The following CCDC30 variants were observed in gnomAD, a reference collection of about 807,000 sequenced individuals.
The protein encoded by CCDC30 is coiled-coil domain containing 30.
A neutral mutation model predicts 100.2 loss-of-function variants in CCDC30; 70 were observed. The ratio of observed to expected loss-of-function variants is 0.70; its 90% confidence interval spans 0.58 to 0.85. The LOEUF (loss-of-function observed/expected upper bound fraction) is 0.85, where lower values mean the gene tolerates loss of function less well. Among genes scored for constraint, CCDC30 ranks in the 40% least tolerant of loss-of-function variants. The probability of loss-of-function intolerance (pLI) is 0.00; values close to 1 mark genes in which losing one functional copy is unlikely to be tolerated. For missense variants in CCDC30, 652 were observed against 771.2 expected, an observed-to-expected ratio of 0.85 and a Z score of 1.83; for synonymous variants, 233 against 269.5, an observed-to-expected ratio of 0.86 and a Z score of 1.33.
At chr1:42,641,950 GCA>G (rs1647438495) in intron 12 of CCDC30, among the ~76,000 whole-genome samples, 2 of 152,174 alleles carry the variant, frequency 1.3e-5, no homozygotes, top group African/African-American at 4.8e-5. Flanking sequence ...CATGGGCTGG[GCA>G]TGGTGGCTCA....
At chr1:42,497,064 C>T (rs777663755) in intron 4 of CCDC30, 34 bp from the exon 5 acceptor site, 36 of 1,136,280 alleles carry the variant, frequency 3.2e-5, no homozygotes, top group Non-Finnish European at 4.0e-5. Context: ...AAACTTTGAT[C>T]CAGTTGAGTA....
chr1:42,642,674 G>C, intron 13 of CCDC30, 65 bp downstream of exon 17: 1 of 1,395,462 alleles, frequency 7.2e-7, no homozygotes. Flanking sequence ...TCAACAAAGA[G>C]ATGGTTCTAG....
intron 10 of CCDC30, among the ~76,000 whole-genome samples, chr1:42,600,235 C>G (rs1646376399): frequency 6.6e-6 from 1 of 151,970 alleles, no homozygotes; most frequent in Non-Finnish European, 1.5e-5. Flanking sequence ...GGTCAATTCT[C>G]CAAGAAGAAA....
At position 42,596,678 on chromosome 1, in the gene CCDC30, C is replaced by T. The variant is rs756662421; in HGVS notation, c.1164+7195C>T. 2.7e-4 allele frequency among the ~76,000 whole-genome samples: 41 copies of T among 152,106 alleles called. No individual in the cohort carries two copies. The highest frequency in any genetic ancestry group is 4.7e-4 in the Non-Finnish European group (32 of 68,028). On this transcript the variant is annotated intron_variant, in intron 10 of 16. Transcript: ENST00000668663. The surrounding 1 kb of genome is among the most constrained non-coding windows in gnomAD (Gnocchi z 4.3). The stretch of plus-strand genomic sequence containing the variant: ...ACGGCCCATTTAACAGCAGTTTCCT[C>T]TACTCACTGCATCATGTTTCGCTAT...
At chr1:42,578,618 CAACAAGAACTCAT>C (rs974118542) in intron 8 of CCDC30, among the ~76,000 whole-genome samples, 28 of 152,124 alleles carry the variant, frequency 1.8e-4, no homozygotes, top group African/African-American at 6.7e-4. Context: ...GGATTTGGTG[CAACAAGAACTCAT>C]ATATATTAAC....
intron 9 of CCDC30, among the ~76,000 whole-genome samples, chr1:42,587,023 G>A (rs930972532): frequency 6.6e-6 from 1 of 151,882 alleles, no homozygotes; most frequent in Non-Finnish European, 1.5e-5. Context: ...GTAGAGATGG[G>A]GTCTCACTCT....
At chr1:42,588,292 T>C (rs530619385) in intron 9 of CCDC30, among the ~76,000 whole-genome samples, 4 of 152,316 alleles carry the variant, frequency 2.6e-5, no homozygotes, top group African/African-American at 9.6e-5. Flanking sequence ...CTAATGGCCC[T>C]TGTAGGGGTG....
At chr1:42,637,694 A>T (rs1291457724) in intron 12 of CCDC30, among the ~76,000 whole-genome samples, 2 of 152,090 alleles carry the variant, frequency 1.3e-5, no homozygotes, top group Non-Finnish European at 2.9e-5. Flanking sequence ...TCAGTAACTC[A>T]TTTCTGCTTT....
At chr1:42,551,888 G>A (rs1645259862) in intron 6 of CCDC30, among the ~76,000 whole-genome samples, 1 of 151,836 alleles carries the variant, frequency 6.6e-6, no homozygotes, top group African/African-American at 2.4e-5. Context: ...CTGAGTAGTT[G>A]GGACCACAGG....
At position 42,577,256 on chromosome 1, in the gene CCDC30, G is replaced by A. The variant is rs953440619; in HGVS notation, c.846+27G>A. The A allele has an allele frequency of 5.7e-6, 8 of 1,415,220 alleles. No individual in the cohort carries two copies. The African/African-American group carries it at 1.1e-4, about 20-fold the overall frequency. 87.7% of individuals were successfully genotyped at this position (1,415,220 alleles called of 1,614,324 possible). ...TAATTATCCTCATGCTTAATAAACAGCATACACTGAATACCACTACTGAAA... is the reference window on the plus strand; with the variant it reads ...TAATTATCCTCATGCTTAATAAACAACATACACTGAATACCACTACTGAAA... On this transcript the variant is annotated intron_variant, in intron 8 of 16. Coordinates refer to ENST00000668663, the Ensembl canonical transcript of CCDC30.
chr1:42,536,487 G>A (rs1327746139), intron 6 of CCDC30: 1 of 1,603,868 alleles, frequency 6.2e-7, no homozygotes, highest in Non-Finnish European at 8.5e-7. Context: ...TCCTGAAAAT[G>A]AGCCAAGAAA....
intron 11 of CCDC30, among the ~76,000 whole-genome samples, chr1:42,629,006 G>T (rs1646984097): frequency 6.6e-6 from 1 of 152,110 alleles, no homozygotes; most frequent in African/African-American, 2.4e-5. Flanking sequence ...GAAAATTGTT[G>T]TAGTCATTAT....
intron 2 of CCDC30, among the ~76,000 whole-genome samples, chr1:42,480,795 T>C (rs1419743705): frequency 6.6e-6 from 1 of 152,158 alleles, no homozygotes; most frequent in Admixed American, 6.6e-5. Flanking sequence ...AGCTTTCACC[T>C]TAGAAGTATT....
At chr1:42,537,701 G>A (rs1569959491) in intron 6 of CCDC30, 1 of 175,506 alleles carries the variant, frequency 5.7e-6, no homozygotes, top group East Asian at 1.8e-4. Flanking sequence ...TGGGCACGGT[G>A]GCTCACGCTT....
At chr1:42,536,372 C>A (rs748034324) in intron 6 of CCDC30, 104 bp from the exon 7 acceptor site, 1 of 688,588 alleles carries the variant, frequency 1.5e-6, no homozygotes, top group Non-Finnish European at 2.3e-6. Context: ...GTTCATAAAT[C>A]CCCTGGATGA....
At chr1:42,462,985 C>G (rs1406910597), upstream of CCDC30, among the ~76,000 whole-genome samples, 1 of 152,190 alleles carries the variant, frequency 6.6e-6, no homozygotes, top group African/African-American at 2.4e-5. Flanking sequence ...GGTTAGTAGG[C>G]AGGGGCTCCA....
chr1:42,497,808 T>C (rs1010657129), intron 5 of CCDC30, among the ~76,000 whole-genome samples: 2 of 152,080 alleles, frequency 1.3e-5, no homozygotes, highest in Non-Finnish European at 2.9e-5. Context: ...TGTGGAAAAA[T>C]TGGAACCCTT....
chr1:42,484,461 G>A (rs1237636917), intron 3 of CCDC30, among the ~76,000 whole-genome samples: 7 of 152,314 alleles, frequency 4.6e-5, no homozygotes, highest in African/African-American at 1.7e-4. Context: ...GGACACAACA[G>A]AACACAATCA....
chr1:42,514,168 T>C (rs1450853257), intron 6 of CCDC30, among the ~76,000 whole-genome samples: 1 of 152,246 alleles, frequency 6.6e-6, no homozygotes, highest in Admixed American at 6.5e-5. Context: ...TGATAGTTTC[T>C]ACTTTGTGAT....
Sources: allele counts gnomAD v4.1 joint callset (sites outside exome capture counted in the v4.1 genomes callset), GRCh38; gene constraint gnomAD v4.1.1; non-coding constraint Gnocchi (gnomAD v3.1); transcripts MANE v1.5; gene names NCBI Gene and HGNC (gene_info 2026-07-23, HGNC 2026-07-21).